TRIM51: variants seen among roughly 807,000 people sequenced by gnomAD.
TRIM51 encodes the protein tripartite motif-containing protein 51.
In TRIM51, 23 loss-of-function variants were observed where a neutral mutation model predicts 32.7. The observed-to-expected ratio is 0.70, with a 90% CI of 0.51 to 1.00. TRIM51 has a LOEUF of 1.00. Among genes scored for constraint, TRIM51 ranks in the 50% least tolerant of loss-of-function variants. The pLI is 0.00. For synonymous variants in TRIM51, 177 were observed against 181.9 expected (o/e 0.97, Z 0.22); for missense variants, 592 against 539.2 (o/e 1.10, Z -0.97).
chr11:55,888,539 A>G (rs1421236907), intron 4 of TRIM51, among the ~76,000 whole-genome samples: 2 of 152,182 alleles, frequency 1.3e-5, no homozygotes, highest in Non-Finnish European at 2.9e-5. Flanking sequence ...TCACTGATTA[A>G]TTTAGGATTT....
rs1854602455 is a variant in TRIM51 at position 55,888,245 on chromosome 11, G to C, written c.721G>C (p.Asp241His). Residue 241 changes from aspartate to histidine, a missense_variant, in exon 4 of 7, where the codon GAT becomes CAT. Physicochemically the swap from Asp to His is moderately conservative, Grantham distance 81 (BLOSUM62 -1). Transcript: ENST00000449290. ...EDLKQMCHKADVELLQAFGDI... is the reference protein window; with the variant it reads ...EDLKQMCHKAHVELLQAFGDI... ...TCTGAAGCAAATGTGCCATAAAGCAGATGTGGAGCTACTCCAGGTATGGAC... is the reference window on the plus strand; with the variant it reads ...TCTGAAGCAAATGTGCCATAAAGCACATGTGGAGCTACTCCAGGTATGGAC... The C allele has an allele frequency of 1.9e-6, 3 of 1,612,352 alleles. No homozygotes were observed. In the South Asian group the frequency reaches 3.3e-5, roughly 18 times the overall value.
At chr11:55,883,921 T>A (rs1854540175) in intron 1 of TRIM51, among the ~76,000 whole-genome samples, 1 of 152,006 alleles carries the variant, frequency 6.6e-6, no homozygotes, top group Non-Finnish European at 1.5e-5. Context: ...ATACTAGCTG[T>A]CATTTTAATT....
At chr11:55,886,417 T>A (rs961071319) in intron 3 of TRIM51, among the ~76,000 whole-genome samples, 199 bp downstream of exon 3, 5 of 152,190 alleles carry the variant, frequency 3.3e-5, no homozygotes, top group African/African-American at 1.2e-4. Context: ...ACCACAGATG[T>A]TACCCAAGCA....
intron 5 of TRIM51, 92 bp downstream of exon 5, chr11:55,889,093 G>T (rs1458212113): frequency 1.8e-6 from 2 of 1,131,316 alleles, no homozygotes; most frequent in Non-Finnish European, 1.3e-6. Context: ...GATTCAGATA[G>T]TGATACTGCC....
chr11:55,888,997 C>G lies in TRIM51; in HGVS notation c.757C>G (p.His253Asp). Residue 253 changes from histidine (H) to aspartate (D), a missense_variant, in exon 5 of 7, where the codon CAC becomes GAC. Physicochemically the swap from His to Asp is moderately conservative, Grantham distance 81. Transcript: ENST00000449290. The part of the protein sequence containing the change: ...ELLQAFGDIL[H>D]RYESLLLQVS... ...TTTACAGGCTTTTGGAGACATATTA[C>G]ACAGGTGAGTGCACACCAAGATTTT... is the stretch of plus-strand genomic sequence containing the variant. The G allele has an allele frequency of 1.2e-6, 2 of 1,610,444 alleles. No homozygotes were observed. The highest frequency in any genetic ancestry group is 1.7e-6 in the Non-Finnish European group (2 of 1,178,456).
In TRIM51 at chr11:55,890,902, C is replaced by T. The variant is rs555325875; in HGVS notation, c.860-231C>T. ...AAACAGGCTGGTCTTATATTCGACT[C>T]TCAATTTTTAAGTTTTCAATAAATT... On this transcript the variant is annotated intron_variant, in intron 6 of 6. Coordinates refer to ENST00000449290, the MANE Select transcript of TRIM51 (RefSeq NM_032681.4). Among the ~76,000 whole-genome samples, 17 of 152,222 alleles carry T rather than the reference C, an allele frequency of 1.1e-4. No homozygotes were observed. In the South Asian group the frequency reaches 3.5e-3, roughly 32 times the overall value.
chr11:55,891,171 A>T lies in TRIM51; in HGVS notation c.898A>T (p.Ile300Phe). The change falls in exon 7 of 7, where the codon ATC becomes TTC. Residue 300 changes from isoleucine to phenylalanine, a missense_variant. Coordinates refer to ENST00000449290, the MANE Select transcript of TRIM51 (RefSeq NM_032681.4). ...GCAGCCTGAAAGAGCCAATAGTCAT[A>T]TCTTCCTGTGTGGAGATTTGAGAAG... is the stretch of plus-strand genomic sequence containing the variant. ...TLQPERANSH[I>F]FLCGDLRSMN... 6.2e-7 allele frequency: 1 copy of T among 1,601,788 alleles called. No individual in the cohort carries two copies.
rs930149440 is a variant in TRIM51, at chr11:55,889,108, G to A, written c.761+107G>A. ...GATTCAGATAGTGATACTGCCTTGT[G>A]CTGGTTGTACTTTCTCCATCCCCCA... On this transcript the variant is annotated intron_variant, in intron 5 of 6. Coordinates refer to ENST00000449290, the MANE Select transcript of TRIM51 (RefSeq NM_032681.4). 3 of 1,039,600 alleles carry A rather than the reference G, an allele frequency of 2.9e-6. No individual in the cohort carries two copies. In the East Asian group the frequency reaches 7.2e-5, roughly 25 times the overall value. The allele number at this position is 1,039,600 out of a possible 1,614,324, so 64.4% of individuals were successfully genotyped here. A position where few individuals can be genotyped will look rare whatever the true frequency, so the allele number is the denominator to read the frequency against.
At chr11:55,890,607 G>A (rs1202017786) in intron 6 of TRIM51, among the ~76,000 whole-genome samples, 4 of 152,068 alleles carry the variant, frequency 2.6e-5, no homozygotes, top group South Asian at 2.1e-4. Flanking sequence ...TCCAAAATTC[G>A]GTTTCAGTCT....
chr11:55,889,827 A>T, intron 5 of TRIM51, 115 bp from the exon 6 acceptor site: 1 of 704,498 alleles, frequency 1.4e-6, no homozygotes. Flanking sequence ...TAATTTTGGA[A>T]TTAGCAAATG....
At position 55,890,628 on chromosome 11, in the gene TRIM51, C is replaced by G. The variant is rs369441745; in HGVS notation, c.860-505C>G. ...ATTCGGTTTCAGTCTAGAGCTAGCA[C>G]GGATGTCCGCAAAGTGACTGGTAAA... On this transcript the variant is annotated intron_variant, in intron 6 of 6. Transcript: ENST00000449290. Among the ~76,000 whole-genome samples, 121 of 152,218 alleles carry G rather than the reference C, an allele frequency of 7.9e-4. 2 individuals are homozygous for G. In the South Asian group the frequency reaches 0.025, roughly 31 times the overall value.
chr11:55,885,562 A>T lies in TRIM51; in HGVS notation c.134A>T (p.Asp45Val). The change falls in exon 2 of 7, where the codon GAC (aspartate) becomes GTC (valine). Residue 45 changes from aspartate to valine, a missense_variant. By Grantham distance (152) the Asp-to-Val change is radical (BLOSUM62 -3). Coordinates refer to ENST00000449290, the MANE Select transcript of TRIM51 (RefSeq NM_032681.4). Reference sequence around the variant, plus strand: ...CCCTGTTTGTACCTCAACTGGCAAGACACGGCAGTTCTTGCTCAGTGCTCT... The same window carrying T: ...CCCTGTTTGTACCTCAACTGGCAAGTCACGGCAGTTCTTGCTCAGTGCTCT... The part of the protein sequence containing the change: ...CRPCLYLNWQ[D>V]TAVLAQCSEC... 2 of 1,612,010 alleles carry T rather than the reference A, an allele frequency of 1.2e-6. No homozygotes were observed. Among genetic ancestry groups the T allele is most frequent in the Non-Finnish European group, 1.7e-6 (2 of 1,179,764 alleles).
In TRIM51 at chr11:55,886,131, C is replaced by T; in HGVS notation, c.420C>T (p.Leu140=). ...TCGTGGCTGTTTTGCAGGAGGAGCT[C>T]CTAAAAAAAATGCAGTCTTTATGGG... ...EWAAEERREE[L]LKKMQSLWEK... The change falls in exon 3 of 7, where the codon CTC becomes CTT. Residue 140 remains leucine (L), a synonymous_variant. Transcript: ENST00000449290. The T allele has an allele frequency of 1.2e-6, 2 of 1,612,864 alleles. No homozygotes were observed. Among genetic ancestry groups the T allele is most frequent in the South Asian group, 2.2e-5 (2 of 91,002 alleles).
chr11:55,887,327 AT>A (rs1395696819), intron 3 of TRIM51, among the ~76,000 whole-genome samples: 2 of 150,886 alleles, frequency 1.3e-5, no homozygotes, highest in Non-Finnish European at 3.0e-5. Flanking sequence ...ATATGGATAC[AT>A]TTGAGGAATA....
chr11:55,888,315 T>A, intron 4 of TRIM51, 53 bp downstream of exon 4: 1 of 1,364,472 alleles, frequency 7.3e-7, no homozygotes, highest in Non-Finnish European at 1.0e-6. Context: ...TACATGGGTG[T>A]TTTTCCTCTC....
At chr11:55,886,050 G>T in intron 2 of TRIM51, 73 bp from the exon 3 acceptor site, 1 of 1,513,120 alleles carries the variant, frequency 6.6e-7, no homozygotes, top group Non-Finnish European at 9.0e-7. Flanking sequence ...CTCATTTTGG[G>T]TCCTTCGTAT....
At chr11:55,886,503 C>T (rs1854580903) in intron 3 of TRIM51, among the ~76,000 whole-genome samples, 1 of 152,108 alleles carries the variant, frequency 6.6e-6, no homozygotes, top group East Asian at 1.9e-4. Context: ...ACACTCTTCC[C>T]AATGGGCTGC....
intron 5 of TRIM51, 90 bp from the exon 6 acceptor site, chr11:55,889,852 A>C: frequency 1.1e-6 from 1 of 886,066 alleles, no homozygotes. Flanking sequence ...GGTTAAAGGG[A>C]TTCTCATGAA....
rs573493867 is a variant in TRIM51 at position 55,885,618 on chromosome 11, C to T, written c.190C>T (p.Leu64Phe). The T allele has an allele frequency of 1.6e-5, 26 of 1,611,194 alleles. No homozygotes were observed. The South Asian group carries it at 2.7e-4, about 17-fold the overall frequency. The change falls in exon 2 of 7, where the codon CTC (leucine) becomes TTC (phenylalanine). Residue 64 changes from leucine to phenylalanine, a missense_variant. Leu to Phe is a conservative substitution (Grantham distance 22). Coordinates refer to ENST00000449290, the MANE Select transcript of TRIM51 (RefSeq NM_032681.4). ...ECKKTTRQRN[L>F]NTDICLKNMA... ...CAAGAAGACAACGCGGCAGAGAAACCTCAACACTGACATTTGTTTGAAGAA... is the reference window on the plus strand; with the variant it reads ...CAAGAAGACAACGCGGCAGAGAAACTTCAACACTGACATTTGTTTGAAGAA...
Sources: gnomAD v4.1 joint callset for allele counts (sites outside exome capture counted in the v4.1 genomes callset) on GRCh38, gnomAD v4.1.1 for gene constraint, MANE v1.5 for transcripts, NCBI Gene and HGNC (gene_info 2026-07-23, HGNC 2026-07-21) for gene names.